NXPE4: variants seen among roughly 807,000 people sequenced by gnomAD.
The protein encoded by NXPE4 is NXPE family member 4.
Under a neutral mutation model 33.3 loss-of-function variants are expected in NXPE4, and 42 were observed. The ratio of observed to expected loss-of-function variants is 1.26; its 90% CI spans 0.98 to 1.63. The LOEUF is 1.63. Ranked by LOEUF, NXPE4 falls within the 40% of genes most tolerant of loss-of-function variation. The probability of loss-of-function intolerance (pLI) is 0.00; values close to 1 mark genes in which losing one functional copy is unlikely to be tolerated. For synonymous variants in NXPE4, 253 were observed against 234.9 expected (o/e 1.08, Z -0.71); for missense variants, 709 against 647.6 (o/e 1.09, Z -1.03).
chr11:114,675,956 T>C, the NXPE4 span, among the ~76,000 whole-genome samples: 1 of 151,854 alleles, frequency 6.6e-6, no homozygotes, highest in Non-Finnish European at 1.5e-5. Context: ...ATGTTTACAG[T>C]CAACTGATTT....
the NXPE4 span, among the ~76,000 whole-genome samples, chr11:114,651,863 G>C: frequency 6.6e-6 from 1 of 152,062 alleles, no homozygotes; most frequent in African/African-American, 2.4e-5. Context: ...GTCCCCACCC[G>C]ACCCAGAAGC....
chr11:114,625,964 C>T, the NXPE4 span, among the ~76,000 whole-genome samples: 21 of 151,710 alleles, frequency 1.4e-4, no homozygotes, highest in Non-Finnish European at 2.1e-4. Flanking sequence ...TGCACTTTTC[C>T]GATGGGCTTA....
At chr11:114,671,656 A>G in the NXPE4 span, among the ~76,000 whole-genome samples, 1 of 152,030 alleles carries the variant, frequency 6.6e-6, no homozygotes, top group Non-Finnish European at 1.5e-5. Context: ...TGAGAGAAAA[A>G]AATAGAATAA....
At chr11:114,627,706 T>C in the NXPE4 span, among the ~76,000 whole-genome samples, 2 of 152,196 alleles carry the variant, frequency 1.3e-5, no homozygotes. Context: ...AATGCTCCAA[T>C]TAAAAGACAC....
the NXPE4 span, among the ~76,000 whole-genome samples, chr11:114,606,595 G>A: frequency 6.6e-6 from 1 of 151,930 alleles, no homozygotes; most frequent in Non-Finnish European, 1.5e-5. Context: ...ATTTCCTTGT[G>A]GGTAACCACT....
chr11:114,658,993 G>A, the NXPE4 span, among the ~76,000 whole-genome samples: 1 of 152,098 alleles, frequency 6.6e-6, no homozygotes, highest in African/African-American at 2.4e-5. Flanking sequence ...AGCTAAGGGT[G>A]AAATAGGAAC....
chr11:114,589,891 A>G (rs1293816463), intron 2 of NXPE4, among the ~76,000 whole-genome samples: 2 of 152,230 alleles, frequency 1.3e-5, no homozygotes, highest in Non-Finnish European at 2.9e-5. Flanking sequence ...TAATGAGGCC[A>G]TAGTCTCAAT....
chr11:114,611,132 T>C, the NXPE4 span, among the ~76,000 whole-genome samples: 1 of 151,584 alleles, frequency 6.6e-6, no homozygotes. Flanking sequence ...TATTGCCTCA[T>C]GGGTCCTCAC....
chr11:114,592,116 A>G (rs940578795), intron 2 of NXPE4, among the ~76,000 whole-genome samples: 2 of 152,222 alleles, frequency 1.3e-5, no homozygotes, highest in African/African-American at 4.8e-5. Context: ...CTGGAACAAG[A>G]TATTTTTGAA....
chr11:114,654,970 T>C, the NXPE4 span, among the ~76,000 whole-genome samples: 7 of 152,218 alleles, frequency 4.6e-5, no homozygotes, highest in African/African-American at 1.7e-4. Flanking sequence ...CTCTACAGCC[T>C]TGCCAGCACC....
chr11:114,615,518 C>T, the NXPE4 span, among the ~76,000 whole-genome samples: 1 of 151,914 alleles, frequency 6.6e-6, no homozygotes, highest in Non-Finnish European at 1.5e-5. Flanking sequence ...CATGTTGCCT[C>T]ACAGGTAACC....
chr11:114,619,983 G>T, the NXPE4 span, among the ~76,000 whole-genome samples: 4 of 151,868 alleles, frequency 2.6e-5, no homozygotes, highest in African/African-American at 9.7e-5. Context: ...CTGTTACCTG[G>T]TGGATAGTTA....
chr11:114,642,996 A>G, the NXPE4 span, among the ~76,000 whole-genome samples: 2 of 152,094 alleles, frequency 1.3e-5, no homozygotes, highest in Non-Finnish European at 2.9e-5. Flanking sequence ...TTTGATTTGC[A>G]TTTCTCTAAT....
chr11:114,650,761 A>C, the NXPE4 span, among the ~76,000 whole-genome samples: 1 of 152,134 alleles, frequency 6.6e-6, no homozygotes, highest in Non-Finnish European at 1.5e-5. Flanking sequence ...GGTTGCCACA[A>C]GAAGGAGGAG....
At chr11:114,601,177 A>G in the NXPE4 span, among the ~76,000 whole-genome samples, 1 of 151,618 alleles carries the variant, frequency 6.6e-6, no homozygotes, top group Non-Finnish European at 1.5e-5. Flanking sequence ...CTGGAGTTTT[A>G]GTGTACCTGT....
intron 1 of NXPE4, 106 bp from the exon 2 acceptor site, chr11:114,594,875 G>T (rs1565340379): frequency 6.4e-6 from 4 of 623,466 alleles, no homozygotes; most frequent in Non-Finnish European, 1.1e-5. Flanking sequence ...TTACTTTTTA[G>T]CCTCAGATAA....
At chr11:114,598,703 C>G (rs958587454), upstream of NXPE4, among the ~76,000 whole-genome samples, 1 of 151,950 alleles carries the variant, frequency 6.6e-6, no homozygotes, top group African/African-American at 2.4e-5. Flanking sequence ...AGCTGGGATG[C>G]AGGGACCAGT....
the NXPE4 span, among the ~76,000 whole-genome samples, chr11:114,646,088 T>A: frequency 6.6e-6 from 1 of 152,126 alleles, no homozygotes; most frequent in Non-Finnish European, 1.5e-5. Flanking sequence ...GTGACTTCCC[T>A]TCAACTTCTT....
At chr11:114,644,048 G>A in the NXPE4 span, among the ~76,000 whole-genome samples, 1 of 149,664 alleles carries the variant, frequency 6.7e-6, no homozygotes. Flanking sequence ...GTTCACTAAT[G>A]TTTTGGCTCT....
Sources: gnomAD v4.1 joint callset for allele counts (sites outside exome capture counted in the v4.1 genomes callset) on GRCh38, gnomAD v4.1.1 for gene constraint, MANE v1.5 for transcripts, NCBI Gene and HGNC (gene_info 2026-07-23, HGNC 2026-07-21) for gene names.